The following RNF220 variants were observed in gnomAD, a reference collection of about 807,000 sequenced individuals.
RNF220 encodes the protein ring finger protein 220.
Under a neutral mutation model 67.1 loss-of-function variants are expected in RNF220, and 7 were observed. That is an observed-to-expected ratio of 0.10 (90% CI 0.06 to 0.20). RNF220 has a LOEUF of 0.20. Among genes scored for constraint, RNF220 ranks in the 10% least tolerant of loss-of-function variants. The probability of loss-of-function intolerance (pLI) is 1.00; values close to 1 mark genes in which losing one functional copy is unlikely to be tolerated. For synonymous variants in RNF220, 270 were observed against 283.2 expected (o/e 0.95, Z 0.47); for missense variants, 565 against 740.3 (o/e 0.76, Z 2.75).
At chr1:44,493,232 T>C (rs1657013440) in intron 2 of RNF220, among the ~76,000 whole-genome samples, 1 of 152,206 alleles carries the variant, frequency 6.6e-6, no homozygotes, top group Non-Finnish European at 1.5e-5. Flanking sequence ...AAAACATAAA[T>C]GGGCCTGGAG....
intron 2 of RNF220, among the ~76,000 whole-genome samples, chr1:44,562,466 A>T (rs754303416): frequency 3.9e-5 from 6 of 152,152 alleles, no homozygotes; most frequent in Non-Finnish European, 8.8e-5. Context: ...TTTGGAGGTG[A>T]TTAGTAATAA....
intron 6 of RNF220, chr1:44,632,673 T>G (rs1644198355): frequency 1.8e-6 from 1 of 545,972 alleles, no homozygotes; most frequent in Admixed American, 3.1e-5. Flanking sequence ...ACAATTCTAC[T>G]CGGGAGCTCA....
At chr1:44,538,345 G>A (rs114488034) in intron 2 of RNF220, among the ~76,000 whole-genome samples, 2,311 of 152,120 alleles carry the variant, frequency 0.015, 28 homozygotes, top group Non-Finnish European at 0.02. Flanking sequence ...GCCCCTTCTT[G>A]AAACGATCCC....
intron 2 of RNF220, among the ~76,000 whole-genome samples, chr1:44,582,648 T>G (rs1665385392): frequency 6.7e-6 from 1 of 149,064 alleles, no homozygotes; most frequent in Non-Finnish European, 1.5e-5. Context: ...TCCCAGCTAC[T>G]CAGGAGGCTG....
chr1:44,645,550 C>A lies in RNF220; in HGVS notation c.1445+62C>A. 6.5e-7 allele frequency: 1 copy of A among 1,544,784 alleles called. No individual in the cohort carries two copies. The highest frequency in any genetic ancestry group is 8.9e-7 in the Non-Finnish European group (1 of 1,124,738). ...GTTCAGTGGGAGGAGGGGCCCTTTG[C>A]TAGCAGGAAGGCCTGCTGCCAGGGC... On this transcript the variant is annotated intron_variant, in intron 12 of 14. Coordinates refer to ENST00000361799, the MANE Select transcript of RNF220 (RefSeq NM_018150.4). This position sits in a 1 kb window ranked among gnomAD's most constrained non-coding sequence, Gnocchi z 5.0.
intron 2 of RNF220, among the ~76,000 whole-genome samples, chr1:44,492,837 A>G (rs1656972013): frequency 6.6e-6 from 1 of 152,172 alleles, no homozygotes. Context: ...AGCCATTTGT[A>G]GTGACGGCAA....
chr1:44,423,083 C>T (rs1308144245), intron 2 of RNF220, among the ~76,000 whole-genome samples: 1 of 152,188 alleles, frequency 6.6e-6, no homozygotes, highest in Non-Finnish European at 1.5e-5. Flanking sequence ...TTGTAGGATG[C>T]TGCGAAAAGT....
rs370109047 is a variant in RNF220 at position 44,555,379 on chromosome 1, A to G, written c.626-58786A>G. On this transcript the variant is annotated intron_variant, in intron 2 of 14. Transcript: ENST00000361799. ...CACTCCACCCGGCTTTCAACTTTGTATGATCTGACCCCACCTACCTGCCCA... is the reference window on the plus strand; with the variant it reads ...CACTCCACCCGGCTTTCAACTTTGTGTGATCTGACCCCACCTACCTGCCCA... Among the ~76,000 whole-genome samples the G allele has an allele frequency of 7.4e-4, 113 of 151,826 alleles. 1 individual carries two copies. In the East Asian group the frequency reaches 0.014, roughly 18 times the overall value.
At chr1:44,616,199 C>CTCTAT (rs1213737170) in intron 3 of RNF220, among the ~76,000 whole-genome samples, 2 of 152,198 alleles carry the variant, frequency 1.3e-5, no homozygotes, top group African/African-American at 2.4e-5. Flanking sequence ...GTTGCTTCTA[C>CTCTAT]TCTATTCTAT....
chr1:44,601,064 G>A (rs1666886856), intron 2 of RNF220, among the ~76,000 whole-genome samples: 1 of 152,168 alleles, frequency 6.6e-6, no homozygotes, highest in African/African-American at 2.4e-5. Flanking sequence ...TCACTAGACT[G>A]TTAGCTCCAT....
At chr1:44,571,927 C>T (rs956086767) in intron 2 of RNF220, among the ~76,000 whole-genome samples, 20 of 152,194 alleles carry the variant, frequency 1.3e-4, no homozygotes, top group African/African-American at 4.8e-4. Flanking sequence ...CCCTAAATTC[C>T]GTTCATCCTA....
chr1:44,618,495 A>T (rs944582525), intron 3 of RNF220, among the ~76,000 whole-genome samples: 1 of 152,142 alleles, frequency 6.6e-6, no homozygotes, highest in African/African-American at 2.4e-5. Flanking sequence ...TCTCTCCCTC[A>T]CCCCATCCTT....
chr1:44,570,417 C>T (rs959857541), intron 2 of RNF220, among the ~76,000 whole-genome samples: 3 of 152,132 alleles, frequency 2.0e-5, no homozygotes, highest in African/African-American at 4.8e-5. Context: ...GCTGTTTGTC[C>T]GTTCCATTTG....
rs1643860146 is a variant in RNF220 at position 44,622,978 on chromosome 1, G to A, written c.804+191G>A. Among the ~76,000 whole-genome samples, 1 of 152,202 alleles carries A rather than the reference G, an allele frequency of 6.6e-6. No homozygotes were observed. The highest frequency in any genetic ancestry group is 2.4e-5 in the African/African-American group (1 of 41,448). ...CTGCGCCGTGTGTGTGTGTAAGTGT[G>A]TGTGGTCTGTGCATGAGTGAGAGTA... On this transcript the variant is annotated intron_variant, in intron 4 of 14. Transcript: ENST00000361799. This position sits in a 1 kb window ranked among gnomAD's most constrained non-coding sequence, Gnocchi z 4.3.
At chr1:44,480,377 A>G (rs1209836419) in intron 2 of RNF220, among the ~76,000 whole-genome samples, 1 of 152,218 alleles carries the variant, frequency 6.6e-6, no homozygotes, top group Non-Finnish European at 1.5e-5. Context: ...ACTACACTCC[A>G]GCCTGGGCAA....
At chr1:44,415,764 T>A (rs1648467400) in intron 2 of RNF220, among the ~76,000 whole-genome samples, 1 of 152,198 alleles carries the variant, frequency 6.6e-6, no homozygotes, top group African/African-American at 2.4e-5. Flanking sequence ...TTTTTATGAC[T>A]GAGTTTTAGG....
chr1:44,649,954 C>G lies in RNF220; in HGVS notation c.1626C>G (p.Thr542=). The G allele has an allele frequency of 6.2e-7, 1 of 1,613,550 alleles. No homozygotes were observed. Among genetic ancestry groups the G allele is most frequent in the Non-Finnish European group, 8.5e-7 (1 of 1,179,878 alleles). The change falls in exon 14 of 15, where the codon ACC becomes ACG. Residue 542 remains threonine, a synonymous_variant. Transcript: ENST00000361799. This position sits in a 1 kb window ranked among gnomAD's most constrained non-coding sequence, Gnocchi z 5.9. ...ACTGCGAGGAGTGCTGGCTGCGGAC[C>G]CTGGTGAGGTGGCATGGGGGTCGGG... The part of the protein sequence containing the change: ...HVHCEECWLR[T]LGAKKLCPQC...
chr1:44,466,247 G>A (rs755865170), intron 2 of RNF220, among the ~76,000 whole-genome samples: 53 of 152,070 alleles, frequency 3.5e-4, no homozygotes, highest in Non-Finnish European at 6.2e-4. Flanking sequence ...ATCCATTCAG[G>A]TTTTCTTATG....
intron 2 of RNF220, among the ~76,000 whole-genome samples, chr1:44,433,696 T>G (rs1239237308): frequency 6.6e-6 from 1 of 152,212 alleles, no homozygotes; most frequent in Non-Finnish European, 1.5e-5. Context: ...AATGGCCAGG[T>G]GTGGTGGCTC....
Sources: allele counts gnomAD v4.1 joint callset (sites outside exome capture counted in the v4.1 genomes callset), GRCh38; gene constraint gnomAD v4.1.1; non-coding constraint Gnocchi (gnomAD v3.1); transcripts MANE v1.5; gene names NCBI Gene and HGNC (gene_info 2026-07-23, HGNC 2026-07-21).